Variants in ZFAT observed in about 807,000 individuals in gnomAD.
ZFAT encodes zinc finger and AT-hook domain containing.
Under a neutral mutation model 117.7 loss-of-function variants are expected in ZFAT, and 64 were observed. That is an observed-to-expected ratio of 0.54 (90% CI 0.44 to 0.67). The LOEUF (loss-of-function observed/expected upper bound fraction) is 0.67. Ranked by LOEUF, ZFAT falls within the 30% of genes least tolerant of loss-of-function variation. The pLI is 0.00. For missense variants in ZFAT, 1,433 were observed against 1,584.5 expected, an observed-to-expected ratio of 0.90 and a Z score of 1.62; for synonymous variants, 679 against 615.0, an observed-to-expected ratio of 1.10 and a Z score of -1.54.
chr8:134,755,585 G>A, the ZFAT span, among the ~76,000 whole-genome samples: 1 of 152,000 alleles, frequency 6.6e-6, no homozygotes, highest in African/African-American at 2.4e-5. Context: ...GCTGAGGCAA[G>A]CAGATCACCT....
At chr8:134,749,602 G>A in the ZFAT span, among the ~76,000 whole-genome samples, 1 of 152,134 alleles carries the variant, frequency 6.6e-6, no homozygotes, top group African/African-American at 2.4e-5. Context: ...GAATTTTGGG[G>A]GGACACTAAC....
intron 10 of ZFAT, among the ~76,000 whole-genome samples, chr8:134,580,781 A>C (rs1040426726): frequency 6.6e-6 from 1 of 152,224 alleles, no homozygotes; most frequent in Non-Finnish European, 1.5e-5. Context: ...CTGTTTGGAA[A>C]CAAAGATTCC....
chr8:134,782,149 C>G, the ZFAT span, among the ~76,000 whole-genome samples: 2 of 152,168 alleles, frequency 1.3e-5, no homozygotes, highest in Non-Finnish European at 2.9e-5. Context: ...AGAAAACTAA[C>G]CCCTGCAAAG....
chr8:134,492,420 A>C (rs1563768379), intron 15 of ZFAT, among the ~76,000 whole-genome samples: 1 of 152,234 alleles, frequency 6.6e-6, no homozygotes, highest in South Asian at 2.1e-4. Context: ...TATGGTAAGA[A>C]TTAGAGGACT....
intron 3 of ZFAT, among the ~76,000 whole-genome samples, chr8:134,615,128 C>G (rs1828624630): frequency 6.6e-6 from 1 of 152,168 alleles, no homozygotes; most frequent in African/African-American, 2.4e-5. Flanking sequence ...CAGCCAGGGA[C>G]AGTGGGGTTC....
At chr8:134,787,253 T>C in the ZFAT span, among the ~76,000 whole-genome samples, 1 of 152,224 alleles carries the variant, frequency 6.6e-6, no homozygotes, top group Admixed American at 6.5e-5. Flanking sequence ...TTATGTCCTT[T>C]AAATAGTTGC....
At chr8:134,831,645 CT>C in the ZFAT span, among the ~76,000 whole-genome samples, 27 of 152,316 alleles carry the variant, frequency 1.8e-4, no homozygotes, top group Admixed American at 2.0e-4. Context: ...TTCCCGAAAG[CT>C]TCCCGCGGCC....
chr8:134,616,280 C>T (rs1828729845), intron 3 of ZFAT, among the ~76,000 whole-genome samples: 3 of 152,212 alleles, frequency 2.0e-5, no homozygotes, highest in Admixed American at 2.0e-4. Flanking sequence ...AAGGAGGGTA[C>T]AGGGTAAAAG....
intron 2 of ZFAT, among the ~76,000 whole-genome samples, chr8:134,656,262 T>C (rs764057124): frequency 6.6e-6 from 1 of 152,148 alleles, no homozygotes; most frequent in Non-Finnish European, 1.5e-5. Context: ...GCGCTACTGG[T>C]TGAGACGCAA....
At chr8:134,728,513 T>G in the ZFAT span, among the ~76,000 whole-genome samples, 3 of 152,286 alleles carry the variant, frequency 2.0e-5, no homozygotes, top group East Asian at 5.8e-4. Flanking sequence ...AGGGACTGGC[T>G]GGAAAATCCC....
chr8:134,696,971 G>A (rs935294601), intron 1 of ZFAT, among the ~76,000 whole-genome samples: 7 of 151,576 alleles, frequency 4.6e-5, no homozygotes, highest in Non-Finnish European at 8.8e-5. Flanking sequence ...AGGCTGGAGT[G>A]CAGTGGCGCC....
chr8:134,646,591 A>T (rs1400148763), intron 2 of ZFAT, among the ~76,000 whole-genome samples: 1 of 152,142 alleles, frequency 6.6e-6, no homozygotes, highest in African/African-American at 2.4e-5. Flanking sequence ...AAAAAGAATA[A>T]AAAAGATCAA....
intron 11 of ZFAT, among the ~76,000 whole-genome samples, chr8:134,548,004 A>C (rs1005250934): frequency 3.9e-5 from 6 of 152,242 alleles, no homozygotes; most frequent in African/African-American, 1.4e-4. Flanking sequence ...GTGAAGGACC[A>C]GGCATGGCCC....
intron 11 of ZFAT, among the ~76,000 whole-genome samples, chr8:134,536,108 C>T (rs1234065952): frequency 6.6e-6 from 1 of 152,128 alleles, no homozygotes; most frequent in Non-Finnish European, 1.5e-5. Flanking sequence ...GGCAGAATTG[C>T]TAACGAGAAG....
chr8:134,590,138 T>G, intron 8 of ZFAT, 130 bp downstream of exon 8: 1 of 649,200 alleles, frequency 1.5e-6, no homozygotes, highest in Non-Finnish European at 2.6e-6. Context: ...AAGATGTTTG[T>G]TTCCCATGAA....
At chr8:134,637,362 G>T in intron 3 of ZFAT, 99 bp downstream of exon 3, 1 of 1,425,728 alleles carries the variant, frequency 7.0e-7, no homozygotes, top group Non-Finnish European at 9.6e-7. Flanking sequence ...GAATAAATAT[G>T]TGCTATTTCC....
intron 11 of ZFAT, among the ~76,000 whole-genome samples, chr8:134,556,252 C>T (rs1406136743): frequency 6.6e-6 from 1 of 151,778 alleles, no homozygotes; most frequent in East Asian, 1.9e-4. Context: ...ACAAACTATA[C>T]AAACTGAAAC....
At chr8:134,653,270 T>TAAA (rs374514584) in intron 2 of ZFAT, among the ~76,000 whole-genome samples, 8 of 91,886 alleles carry the variant, frequency 8.7e-5, no homozygotes, top group East Asian at 3.7e-4. Context: ...ATGTCTTTTT[T>TAAA]AAAAAAAAAA....
chr8:134,832,296 G>A, the ZFAT span, among the ~76,000 whole-genome samples: 1 of 151,908 alleles, frequency 6.6e-6, no homozygotes, highest in African/African-American at 2.4e-5. Context: ...CCTCCAGTGT[G>A]TCTGAGGGAG....
Sources: allele counts gnomAD v4.1 joint callset (sites outside exome capture counted in the v4.1 genomes callset), GRCh38; gene constraint gnomAD v4.1.1; transcripts MANE v1.5; gene names NCBI Gene and HGNC (gene_info 2026-07-23, HGNC 2026-07-21).